FAM168A: variants seen among roughly 807,000 people sequenced by gnomAD.
The protein encoded by FAM168A is protein FAM168A.
In FAM168A, 3 loss-of-function variants were observed where a neutral mutation model predicts 28.5. That is an observed-to-expected ratio of 0.11 (90% CI 0.05 to 0.27). The LOEUF (loss-of-function observed/expected upper bound fraction) is 0.27. FAM168A is among the 10% of genes least tolerant of loss of function. The probability of loss-of-function intolerance (pLI) is 1.00; values close to 1 mark genes in which losing one functional copy is unlikely to be tolerated. For missense variants in FAM168A, 222 were observed against 311.5 expected (o/e 0.71, Z 2.16); for synonymous variants, 122 against 124.2 (o/e 0.98, Z 0.12).
chr11:73,463,132 T>C (rs1348365784), intron 2 of FAM168A, among the ~76,000 whole-genome samples: 1 of 151,578 alleles, frequency 6.6e-6, no homozygotes, highest in Non-Finnish European at 1.5e-5. Flanking sequence ...CCACATCTGG[T>C]TATTTTTTGT....
rs957659371 is a variant in FAM168A, at chr11:73,403,112, C to T, written c.*3651G>A. Reference sequence around the variant, plus strand: ...AACCAATGTCAAAGTACTTTGCATACCAAAAACGCTCTGGACAGGTGTGTG... The same window carrying T: ...AACCAATGTCAAAGTACTTTGCATATCAAAAACGCTCTGGACAGGTGTGTG... On this transcript the variant is annotated 3_prime_UTR_variant, in exon 8 of 8. Coordinates refer to ENST00000356467, the MANE Select transcript of FAM168A (RefSeq NM_015159.3). The T allele has an allele frequency of 2.0e-5, 3 of 152,132 alleles. No individual in the cohort carries two copies. The highest frequency in any genetic ancestry group is 7.2e-5 in the African/African-American group (3 of 41,416). The allele number at this position is 152,132 out of a possible 1,614,324, so 9.4% of individuals were successfully genotyped here. A position where few individuals can be genotyped will look rare whatever the true frequency, so the allele number is the denominator to read the frequency against.
At chr11:73,590,415 C>G (rs549311359) in intron 1 of FAM168A, among the ~76,000 whole-genome samples, 5 of 152,152 alleles carry the variant, frequency 3.3e-5, no homozygotes, top group African/African-American at 1.2e-4. Flanking sequence ...GTGAAGACAC[C>G]AAAATGTTTG....
chr11:73,462,121 C>A (rs1867657312), intron 2 of FAM168A, among the ~76,000 whole-genome samples: 1 of 152,102 alleles, frequency 6.6e-6, no homozygotes, highest in Non-Finnish European at 1.5e-5. Flanking sequence ...TGGATATATA[C>A]CCAAAAGAAT....
intron 1 of FAM168A, among the ~76,000 whole-genome samples, chr11:73,477,994 G>A (rs550288915): frequency 6.6e-5 from 10 of 152,056 alleles, no homozygotes; most frequent in Admixed American, 2.0e-4. Flanking sequence ...AATATTTTTC[G>A]TGTTAACTGG....
chr11:73,489,254 AC>A (rs1289803886), intron 1 of FAM168A, among the ~76,000 whole-genome samples: 1 of 151,572 alleles, frequency 6.6e-6, no homozygotes, highest in Non-Finnish European at 1.5e-5. Flanking sequence ...TCTTCTTTTA[AC>A]CCTCCTGTAT....
chr11:73,438,252 A>C (rs1168592700), intron 2 of FAM168A, among the ~76,000 whole-genome samples: 2 of 152,262 alleles, frequency 1.3e-5, no homozygotes, highest in Non-Finnish European at 2.9e-5. Flanking sequence ...AATCTCTAGC[A>C]GTAATATATG....
intron 4 of FAM168A, 88 bp from the exon 5 acceptor site, chr11:73,411,624 C>T: frequency 7.4e-7 from 1 of 1,349,636 alleles, no homozygotes. Flanking sequence ...ACTCCCCAGA[C>T]AAAGATGGGC....
At chr11:73,524,599 T>C (rs1943426980) in intron 1 of FAM168A, among the ~76,000 whole-genome samples, 1 of 152,060 alleles carries the variant, frequency 6.6e-6, no homozygotes, top group South Asian at 2.1e-4. Context: ...TGTATATGTA[T>C]GTGTATATAT....
chr11:73,426,271 C>A (rs1397463980), intron 3 of FAM168A, among the ~76,000 whole-genome samples: 1 of 152,122 alleles, frequency 6.6e-6, no homozygotes, highest in Non-Finnish European at 1.5e-5. Context: ...TCTTGTGGGG[C>A]CAAAGAGTTC....
chr11:73,408,956 C>T (rs1433175612), intron 6 of FAM168A, among the ~76,000 whole-genome samples: 1 of 152,002 alleles, frequency 6.6e-6, no homozygotes. Flanking sequence ...TCTCTCTCCC[C>T]TAAAGTACAC....
intron 1 of FAM168A, among the ~76,000 whole-genome samples, chr11:73,550,797 G>A (rs1489157472): frequency 1.3e-5 from 2 of 151,456 alleles, no homozygotes; most frequent in African/African-American, 4.9e-5. Flanking sequence ...AATTTGGCTG[G>A]AACAACATAT....
chr11:73,416,937 C>A (rs751102323), intron 4 of FAM168A, among the ~76,000 whole-genome samples: 22 of 151,834 alleles, frequency 1.4e-4, no homozygotes, highest in Non-Finnish European at 2.9e-4. Context: ...CAGAGCAAGA[C>A]CTTGTCTCAA....
chr11:73,525,820 C>A (rs1021230756), intron 1 of FAM168A, among the ~76,000 whole-genome samples: 6 of 152,216 alleles, frequency 3.9e-5, no homozygotes, highest in South Asian at 2.1e-4. Flanking sequence ...TTAGCCCTTG[C>A]GAAATACCAG....
intron 1 of FAM168A, among the ~76,000 whole-genome samples, chr11:73,472,857 G>T (rs1470360107): frequency 6.6e-6 from 1 of 152,150 alleles, no homozygotes; most frequent in Non-Finnish European, 1.5e-5. Context: ...ACTATGAGAG[G>T]AGTAGGTTTT....
In FAM168A at chr11:73,420,014, C is replaced by T. The variant is rs756489163; in HGVS notation, c.152-15G>A. On this transcript the variant is annotated splice_polypyrimidine_tract_variant and intron_variant, in intron 3 of 7. Transcript: ENST00000356467. The stretch of plus-strand genomic sequence containing the variant: ...CAGCAGAGTTGCTTAAGGGAAGACA[C>T]AAGAATGGCATTAGACAGAAATAAG... 1.4e-5 allele frequency: 23 copies of T among 1,612,374 alleles called. No individual in the cohort carries two copies. The Admixed American group carries it at 2.7e-4, about 19-fold the overall frequency.
At chr11:73,597,696 G>C (rs1944452956) in intron 1 of FAM168A, among the ~76,000 whole-genome samples, 1 of 147,812 alleles carries the variant, frequency 6.8e-6, no homozygotes, top group Non-Finnish European at 1.5e-5. Context: ...TCCATCAAAA[G>C]TCCTCCTCCC....
intron 2 of FAM168A, among the ~76,000 whole-genome samples, chr11:73,448,944 T>C (rs898515767): frequency 1.3e-4 from 20 of 152,120 alleles, no homozygotes; most frequent in African/African-American, 4.3e-4. Context: ...GTTTTGTTTT[T>C]TTCTCTCTCT....
Position 73,409,558 on chromosome 11 carries a change from G to A in FAM168A, c.524C>T (p.Pro175Leu). ...ACCGTTGGTCCTCGGGGCGGCAACA[G>A]GTGCTGGGTAGATAGCAGAGGGAAT... ...NSIPSAIYPA[P>L]VAAPRTNGVA... Residue 175 changes from proline (P) to leucine (L), a missense_variant, in exon 6 of 8, where the codon CCT becomes CTT. Physicochemically the swap from Pro to Leu is moderately conservative, Grantham distance 98. Around this residue, in one of 3 missense-constraint regions of FAM168A, gnomAD observed 64 missense variants for 94.6 expected, o/e 0.68. Transcript: ENST00000356467. The A allele has an allele frequency of 6.2e-7, 1 of 1,614,050 alleles. No individual in the cohort carries two copies. Among genetic ancestry groups the A allele is most frequent in the Non-Finnish European group, 8.5e-7 (1 of 1,179,934 alleles).
chr11:73,467,391 T>C (rs1434539644), intron 2 of FAM168A, among the ~76,000 whole-genome samples: 3 of 151,782 alleles, frequency 2.0e-5, no homozygotes, highest in African/African-American at 7.3e-5. Context: ...CACTCAGCTA[T>C]TCTCTGACAG....
Sources: allele counts gnomAD v4.1 joint callset (sites outside exome capture counted in the v4.1 genomes callset), GRCh38; gene constraint gnomAD v4.1.1; regional missense constraint gnomAD v4.1.1; transcripts MANE v1.5; gene names NCBI Gene and HGNC (gene_info 2026-07-23, HGNC 2026-07-21).